IGF1R: variants seen among roughly 807,000 people sequenced by gnomAD.
IGF1R encodes insulin-like growth factor 1 receptor.
Under a neutral mutation model 144.6 loss-of-function variants are expected in IGF1R, and 44 were observed. The observed-to-expected ratio is 0.30, with a 90% CI of 0.24 to 0.39. The LOEUF (loss-of-function observed/expected upper bound fraction) is 0.39. IGF1R is among the 10% of genes least tolerant of loss of function. The pLI is 1.00. For synonymous variants in IGF1R, 795 were observed against 722.8 expected (o/e 1.10, Z -1.60); for missense variants, 1,355 against 1,833.7 (o/e 0.74, Z 4.77).
intron 2 of IGF1R, among the ~76,000 whole-genome samples, chr15:98,728,154 G>A (rs190380432): frequency 7.2e-5 from 11 of 151,908 alleles, no homozygotes; most frequent in Admixed American, 7.2e-4. Flanking sequence ...AAGTATTTTT[G>A]CTCTGAGCTT....
intron 2 of IGF1R, among the ~76,000 whole-genome samples, chr15:98,745,643 T>A (rs1175424630): frequency 6.6e-6 from 1 of 152,248 alleles, no homozygotes; most frequent in Non-Finnish European, 1.5e-5. Context: ...AAGATTTCTT[T>A]ATGAAAGATG....
rs1364527364 is a variant in IGF1R at position 98,962,878 on chromosome 15, CGTCAGTT to C, written c.*5444_*5450del. On this transcript the variant is annotated 3_prime_UTR_variant, in exon 21 of 21. Transcript: ENST00000650285. ...TCAAGAACACAAACTACATCGCACT[CGTCAGTT>C]GTCAGTTCTGGGGCATGACTTTAGC... 2 of 233,584 alleles carry C rather than the reference CGTCAGTT, an allele frequency of 8.6e-6. No individual in the cohort carries two copies. The highest frequency in any genetic ancestry group is 4.4e-5 in the African/African-American group (2 of 45,340). The allele number at this position is 233,584 out of a possible 1,614,324, so 14.5% of individuals were successfully genotyped here.
At chr15:98,741,248 T>G (rs1232176869) in intron 2 of IGF1R, among the ~76,000 whole-genome samples, 4 of 149,824 alleles carry the variant, frequency 2.7e-5, no homozygotes, top group East Asian at 1.9e-4. Flanking sequence ...TTTTTTTTTT[T>G]TTTTTTTTTT....
intron 1 of IGF1R, among the ~76,000 whole-genome samples, chr15:98,669,481 AC>A (rs1448366135): frequency 6.6e-5 from 10 of 152,124 alleles, no homozygotes; most frequent in Admixed American, 6.5e-5. Context: ...CTTTGTTAGA[AC>A]GTTGCCCTCA....
At chr15:98,653,224 G>A (rs1222895290) in intron 1 of IGF1R, among the ~76,000 whole-genome samples, 3 of 152,158 alleles carry the variant, frequency 2.0e-5, no homozygotes, top group Non-Finnish European at 4.4e-5. Context: ...AAATGCTGGT[G>A]GAGGGCAGAT....
At chr15:98,742,397 C>G (rs1334982270) in intron 2 of IGF1R, among the ~76,000 whole-genome samples, 1 of 152,126 alleles carries the variant, frequency 6.6e-6, no homozygotes, top group East Asian at 1.9e-4. Flanking sequence ...GAGGCTTGGT[C>G]TGCCTGAGGT....
At chr15:98,724,850 C>T (rs1216163000) in intron 2 of IGF1R, among the ~76,000 whole-genome samples, 2 of 152,202 alleles carry the variant, frequency 1.3e-5, no homozygotes, top group African/African-American at 2.4e-5. Context: ...GTCGATGATG[C>T]GCTGCCATTA....
intron 2 of IGF1R, among the ~76,000 whole-genome samples, chr15:98,817,344 AAG>A (rs2056716510): frequency 6.6e-6 from 1 of 151,436 alleles, no homozygotes; most frequent in Non-Finnish European, 1.5e-5. Flanking sequence ...TAATAATAGT[AAG>A]AATACTGGGG....
At chr15:98,780,670 C>T (rs2055841595) in intron 2 of IGF1R, among the ~76,000 whole-genome samples, 1 of 150,364 alleles carries the variant, frequency 6.7e-6, no homozygotes, top group African/African-American at 2.4e-5. Context: ...TTCCTATTTA[C>T]AGATGAAATT....
At chr15:98,944,007 G>A (rs1053598310) in intron 19 of IGF1R, among the ~76,000 whole-genome samples, 3 of 152,176 alleles carry the variant, frequency 2.0e-5, no homozygotes, top group African/African-American at 7.2e-5. Flanking sequence ...TTAAGCTCAA[G>A]TATGAGATCT....
At chr15:98,650,894 G>A (rs557652020) in intron 1 of IGF1R, 20 of 984,576 alleles carry the variant, frequency 2.0e-5, no homozygotes, top group Middle Eastern at 5.2e-4. Flanking sequence ...GGGGTTAGTA[G>A]GGAAGCGCGG....
intron 3 of IGF1R, among the ~76,000 whole-genome samples, chr15:98,892,901 C>G (rs1258132233): frequency 6.6e-6 from 1 of 152,194 alleles, no homozygotes; most frequent in African/African-American, 2.4e-5. Context: ...CCTGTAGTCT[C>G]AGCTCCTTGG....
intron 2 of IGF1R, among the ~76,000 whole-genome samples, chr15:98,783,423 T>C (rs1232865602): frequency 6.6e-6 from 1 of 152,248 alleles, no homozygotes; most frequent in Non-Finnish European, 1.5e-5. Flanking sequence ...CTTTTGGAAC[T>C]GAAGTTTTTC....
Position 98,820,897 on chromosome 15 carries a change from C to G in IGF1R, c.641-70428C>G, listed in dbSNP as rs1159146334. The G allele has an allele frequency of 4.6e-5, 7 of 152,168 alleles. No homozygotes were observed. In the East Asian group the frequency reaches 1.3e-3, roughly 29 times the overall value. The allele number at this position is 152,168 out of a possible 1,614,324, so 9.4% of individuals were successfully genotyped here. A position where few individuals can be genotyped will look rare whatever the true frequency, so the allele number is the denominator to read the frequency against. On this transcript the variant is annotated intron_variant, in intron 2 of 20. Coordinates refer to ENST00000650285, the MANE Select transcript of IGF1R (RefSeq NM_000875.5). ...AATTTTTTCTTTAAGTATCGCAAGGCCCCAGTTCACGGAAGTACCACAACA... is the reference window on the plus strand; with the variant it reads ...AATTTTTTCTTTAAGTATCGCAAGGGCCCAGTTCACGGAAGTACCACAACA...
At chr15:98,898,949 T>A (rs2014336012) in intron 4 of IGF1R, among the ~76,000 whole-genome samples, 1 of 152,274 alleles carries the variant, frequency 6.6e-6, no homozygotes. Context: ...AATGAATTTT[T>A]AAAAATCCCT....
intron 18 of IGF1R, among the ~76,000 whole-genome samples, chr15:98,942,509 T>A (rs755718882): frequency 2.6e-5 from 4 of 152,108 alleles, no homozygotes; most frequent in Admixed American, 6.5e-5. Flanking sequence ...GACTAATTTT[T>A]AAAATTTTTT....
intron 2 of IGF1R, among the ~76,000 whole-genome samples, chr15:98,858,681 TCG>T (rs1295910016): frequency 1.3e-5 from 2 of 152,234 alleles, no homozygotes; most frequent in African/African-American, 4.8e-5. Context: ...GGACGAGGTC[TCG>T]CCTGGGCTTC....
chr15:98,778,518 T>C (rs907801), intron 2 of IGF1R, among the ~76,000 whole-genome samples: 36,430 of 152,120 alleles, frequency 0.24, 5,656 homozygotes, highest in African/African-American at 0.44. Context: ...TCACAGTGGC[T>C]CTCTAGCTCT....
intron 2 of IGF1R, among the ~76,000 whole-genome samples, chr15:98,764,777 T>G (rs921062588): frequency 2.0e-5 from 3 of 152,154 alleles, no homozygotes; most frequent in African/African-American, 7.2e-5. Context: ...GTATATATGG[T>G]GGGAGATTTG....
Sources: allele counts gnomAD v4.1 joint callset (sites outside exome capture counted in the v4.1 genomes callset), GRCh38; gene constraint gnomAD v4.1.1; transcripts MANE v1.5; gene names NCBI Gene and HGNC (gene_info 2026-07-23, HGNC 2026-07-21).